Variants in TRAPPC11 observed in about 807,000 individuals in gnomAD.
TRAPPC11 encodes trafficking protein particle complex subunit 11, also known as foie gras homolog.
In TRAPPC11, 104 loss-of-function variants were observed where a neutral mutation model predicts 151.2. The ratio of observed to expected loss-of-function variants is 0.69; its 90% CI spans 0.59 to 0.81. The LOEUF is 0.81. TRAPPC11 is among the 30% of genes least tolerant of loss of function. The probability of loss-of-function intolerance (pLI) is 0.00; values close to 1 mark genes in which losing one functional copy is unlikely to be tolerated. For synonymous variants in TRAPPC11, 456 were observed against 472.3 expected (o/e 0.97, Z 0.45); for missense variants, 1,230 against 1,349.6 (o/e 0.91, Z 1.39).
At chr4:183,697,874 T>G (rs542020293) in intron 25 of TRAPPC11, 39 bp downstream of exon 25, 1 of 1,562,624 alleles carries the variant, frequency 6.4e-7, no homozygotes, top group Admixed American at 1.8e-5. Context: ...CCAGGAGAAT[T>G]GTGCGCGCGT....
chr4:183,674,879 T>G, intron 6 of TRAPPC11, 67 bp downstream of exon 6: 2 of 978,042 alleles, frequency 2.0e-6, no homozygotes, highest in Non-Finnish European at 3.1e-6. Context: ...AGGTGATTAT[T>G]ACATGTTCTT....
chr4:183,712,206 A>G (rs964880443), intron 29 of TRAPPC11, among the ~76,000 whole-genome samples: 1 of 152,224 alleles, frequency 6.6e-6, no homozygotes, highest in African/African-American at 2.4e-5. Context: ...AGCAAGAGAG[A>G]GAGAATAAAA....
intron 26 of TRAPPC11, among the ~76,000 whole-genome samples, chr4:183,703,618 C>T (rs1490770140): frequency 6.6e-6 from 1 of 152,166 alleles, no homozygotes; most frequent in East Asian, 1.9e-4. Flanking sequence ...CACCTGTAAT[C>T]CCAGCACTTT....
At chr4:183,706,690 G>A in intron 27 of TRAPPC11, 117 bp from the exon 28 acceptor site, 2 of 1,131,256 alleles carry the variant, frequency 1.8e-6, no homozygotes, top group Non-Finnish European at 1.2e-6. Context: ...CAAGAGTACA[G>A]TAACGTCATT....
At position 183,664,477 on chromosome 4, in the gene TRAPPC11, A is replaced by G. The variant is rs752304888; in HGVS notation, c.204+406A>G. On this transcript the variant is annotated intron_variant, in intron 2 of 29. Transcript: ENST00000334690. ...TGCTTTGTGATAGGTACCTGGAACC[A>G]TGCAACAAGCTAGTGATACGAATTT... Among the ~76,000 whole-genome samples, 15 of 152,192 alleles carry G rather than the reference A, an allele frequency of 9.9e-5. 1 individual carries two copies. The highest frequency in any genetic ancestry group is 1.9e-4 in the Non-Finnish European group (13 of 68,024).
chr4:183,663,374 C>T (rs139859338), intron 1 of TRAPPC11, among the ~76,000 whole-genome samples: 6 of 152,136 alleles, frequency 3.9e-5, no homozygotes, highest in East Asian at 1.9e-4. Context: ...GCTGGGACTA[C>T]AGGCGCCCAC....
intron 13 of TRAPPC11, 36 bp from the exon 14 acceptor site, chr4:183,684,267 CTT>C: frequency 6.2e-7 from 1 of 1,610,596 alleles, no homozygotes; most frequent in African/African-American, 1.3e-5. Context: ...CTTTGAATGA[CTT>C]TAAGTTACAT....
At position 183,679,443 on chromosome 4, in the gene TRAPPC11, A is replaced by C; in HGVS notation, c.922A>C (p.Ser308Arg). ...CGACTTGTGTAAGAAAAAGATTGGA[A>C]GTGCAGAGCTGTCTTTTGAGCATGA... ...HIDLCKKKIG[S>R]AELSFEHDAW... The change falls in exon 9 of 30, where the codon AGT becomes CGT. Residue 308 changes from serine (S) to arginine (R), a missense_variant. Physicochemically the swap from Ser to Arg is moderately radical, Grantham distance 110 (BLOSUM62 -1). Transcript: ENST00000334690. 6.2e-7 allele frequency: 1 copy of C among 1,613,046 alleles called. No individual in the cohort carries two copies. The highest frequency in any genetic ancestry group is 8.5e-7 in the Non-Finnish European group (1 of 1,179,504).
chr4:183,709,968 C>A lies in TRAPPC11; in HGVS notation c.3357+1394C>A, dbSNP rs189314958. Among the ~76,000 whole-genome samples the A allele has an allele frequency of 1.4e-3, 216 of 152,256 alleles. 2 individuals are homozygous for A. Among genetic ancestry groups the A allele is most frequent in the African/African-American group, 4.9e-3 (202 of 41,548 alleles). On this transcript the variant is annotated intron_variant, in intron 29 of 29. Transcript: ENST00000334690. The stretch of plus-strand genomic sequence containing the variant: ...GGGGGAACAGAGGGGAACAGGTGGC[C>A]TCCATAATGTCCCTTTAGCTGTTAG...
At chr4:183,698,465 G>A (rs937103976) in intron 25 of TRAPPC11, among the ~76,000 whole-genome samples, 4 of 151,196 alleles carry the variant, frequency 2.6e-5, no homozygotes, top group African/African-American at 4.9e-5. Flanking sequence ...TGTCCTTATT[G>A]TGCTAATTGG....
At chr4:183,695,069 C>T (rs1262771384) in intron 23 of TRAPPC11, among the ~76,000 whole-genome samples, 2 of 151,690 alleles carry the variant, frequency 1.3e-5, no homozygotes, top group Non-Finnish European at 2.9e-5. Flanking sequence ...CTGCCTCAGC[C>T]TCCCGAGTAG....
intron 18 of TRAPPC11, 25 bp from the exon 19 acceptor site, chr4:183,691,291 G>A (rs575381894): frequency 1.4e-6 from 2 of 1,440,044 alleles, no homozygotes; most frequent in Admixed American, 2.1e-5. Context: ...TCTGACATTT[G>A]ATGACCCCTG....
intron 25 of TRAPPC11, among the ~76,000 whole-genome samples, chr4:183,700,045 C>G (rs938094480): frequency 6.6e-6 from 1 of 152,036 alleles, no homozygotes; most frequent in Non-Finnish European, 1.5e-5. Context: ...ATCTCCTGAC[C>G]GCGTGATCTG....
chr4:183,702,497 A>G (rs893643038), intron 26 of TRAPPC11, among the ~76,000 whole-genome samples: 7 of 152,202 alleles, frequency 4.6e-5, no homozygotes, highest in Non-Finnish European at 1.0e-4. Context: ...AACCAGAGCT[A>G]CACCATCAAC....
At chr4:183,665,091 CTTTT>C (rs66913932) in intron 2 of TRAPPC11, among the ~76,000 whole-genome samples, 1 of 106,450 alleles carries the variant, frequency 9.4e-6, no homozygotes, top group Admixed American at 1.2e-4. Flanking sequence ...TCTTTTCTTT[CTTTT>C]TTTTTTTTTT....
intron 29 of TRAPPC11, among the ~76,000 whole-genome samples, chr4:183,710,024 GA>G (rs1737264609): frequency 6.6e-6 from 1 of 152,140 alleles, no homozygotes; most frequent in Non-Finnish European, 1.5e-5. Context: ...TTTAAACTTA[GA>G]AGTACTGTTT....
At chr4:183,661,393 G>T (rs1355286008) in intron 1 of TRAPPC11, among the ~76,000 whole-genome samples, 2 of 125,938 alleles carry the variant, frequency 1.6e-5, no homozygotes, top group African/African-American at 6.2e-5. Flanking sequence ...TTTTGAGACG[G>T]AGTCTCCTCG....
At chr4:183,683,902 A>T in intron 11 of TRAPPC11, 73 bp from the exon 12 acceptor site, 1 of 1,153,770 alleles carries the variant, frequency 8.7e-7, no homozygotes. Context: ...CAAGGAGTGT[A>T]CACATACAAC....
chr4:183,676,510 A>G (rs1288004532), intron 7 of TRAPPC11, among the ~76,000 whole-genome samples: 1 of 152,220 alleles, frequency 6.6e-6, no homozygotes, highest in Non-Finnish European at 1.5e-5. Flanking sequence ...CTGTTCAAAA[A>G]TAATTCTGGA....
Sources: gnomAD v4.1 joint callset for allele counts (sites outside exome capture counted in the v4.1 genomes callset) on GRCh38, gnomAD v4.1.1 for gene constraint, MANE v1.5 for transcripts, NCBI Gene and HGNC (gene_info 2026-07-23, HGNC 2026-07-21) for gene names.